The following TTYH2 variants were observed in gnomAD, a reference collection of about 807,000 sequenced individuals.
The protein encoded by TTYH2 is tweety family member 2, also known as protein tweety homolog 2.
TTYH2 carries 49 observed loss-of-function variants against 68.3 expected under a neutral mutation model. The observed-to-expected ratio is 0.72, with a 90% CI of 0.57 to 0.91. The LOEUF is 0.91. Among genes scored for constraint, TTYH2 ranks in the 40% least tolerant of loss-of-function variants. The pLI is 0.00. For synonymous variants in TTYH2, 272 were observed against 300.8 expected (o/e 0.90, Z 0.99); for missense variants, 631 against 700.4 (o/e 0.90, Z 1.12).
chr17:74,260,383 C>T lies in TTYH2; in HGVS notation c.*174C>T. The T allele has an allele frequency of 1.6e-6, 1 of 640,640 alleles. No individual in the cohort carries two copies. The highest frequency in any genetic ancestry group is 1.8e-5 in the South Asian group (1 of 55,466). The allele number at this position is 640,640 out of a possible 1,614,324, so 39.7% of individuals were successfully genotyped here. ...AGCCCCAGGGGGTGCAGAAGACTCA[C>T]CACGCGGGCCAGCCTCTCTCTTTTG... On this transcript the variant is annotated 3_prime_UTR_variant, in exon 14 of 14. Transcript: ENST00000269346.
chr17:74,253,649 C>T (rs984781421), intron 12 of TTYH2, 106 bp from the exon 13 acceptor site: 1 of 1,109,102 alleles, frequency 9.0e-7, no homozygotes, highest in African/African-American at 1.5e-5. Context: ...GGTTTGGTTC[C>T]ATCCCCCACC....
intron 2 of TTYH2, among the ~76,000 whole-genome samples, chr17:74,226,602 G>A (rs955432742): frequency 3.9e-5 from 6 of 152,130 alleles, no homozygotes; most frequent in Admixed American, 1.3e-4. Flanking sequence ...AGGGATGGAG[G>A]TAAAGGTTGG....
In TTYH2 at chr17:74,235,429, C is replaced by T. The variant is rs2050432943; in HGVS notation, c.415-1865C>T. On this transcript the variant is annotated intron_variant, in intron 3 of 13. Coordinates refer to ENST00000269346, the MANE Select transcript of TTYH2 (RefSeq NM_032646.6). The stretch of plus-strand genomic sequence containing the variant: ...TGTGACAGTTTCAGAACAACAAAGC[C>T]CTTTCTCCGCTCGCTGCCAGCAAGG... Among the ~76,000 whole-genome samples the T allele has an allele frequency of 3.3e-5, 5 of 152,344 alleles. No homozygotes were observed. The South Asian group carries it at 1.0e-3, about 32-fold the overall frequency.
chr17:74,244,083 G>T, intron 6 of TTYH2, 34 bp downstream of exon 6: 1 of 1,598,794 alleles, frequency 6.3e-7, no homozygotes. Flanking sequence ...GGTGGGTGGT[G>T]GTTGGTCTGC....
Position 74,244,129 on chromosome 17 carries a change from T to C in TTYH2, c.804+80T>C, listed in dbSNP as rs986085138. On this transcript the variant is annotated intron_variant, in intron 6 of 13. Transcript: ENST00000269346. The stretch of plus-strand genomic sequence containing the variant: ...TGGTGTGTCTCCAAGCAGGGCCAGC[T>C]TCCGGTCCCAGCTCCTAACCTAGAA... The C allele has an allele frequency of 8.7e-6, 12 of 1,377,048 alleles. No individual in the cohort carries two copies. In the African/African-American group the frequency reaches 1.1e-4, roughly 13 times the overall value. The allele number at this position is 1,377,048 out of a possible 1,614,324, so 85.3% of individuals were successfully genotyped here.
rs1026213637 is a variant in TTYH2 at position 74,239,654 on chromosome 17, C to T, written c.635+2140C>T. Among the ~76,000 whole-genome samples the T allele has an allele frequency of 4.6e-5, 7 of 152,152 alleles. No homozygotes were observed. The highest frequency in any genetic ancestry group is 7.4e-5 in the Non-Finnish European group (5 of 68,020). ...CTCCCCACACCTTGCCTCCCCAGCC[C>T]GTCCAGTCCCTGCATCTCCGCCATG... On this transcript the variant is annotated intron_variant, in intron 4 of 13. Coordinates refer to ENST00000269346, the MANE Select transcript of TTYH2 (RefSeq NM_032646.6). This position sits in a 1 kb window ranked among gnomAD's most constrained non-coding sequence, Gnocchi z 5.3.
chr17:74,225,887 C>T (rs541293675), intron 2 of TTYH2, among the ~76,000 whole-genome samples: 14 of 152,164 alleles, frequency 9.2e-5, no homozygotes, highest in Non-Finnish European at 2.9e-5. Context: ...CGCATAGATG[C>T]GGGCAAGAGT....
rs1258413855 is a variant in TTYH2 at position 74,241,873 on chromosome 17, T to G, written c.636-1501T>G. Among the ~76,000 whole-genome samples the G allele has an allele frequency of 1.3e-5, 2 of 152,174 alleles. No homozygotes were observed. The highest frequency in any genetic ancestry group is 2.9e-5 in the Non-Finnish European group (2 of 68,016). On this transcript the variant is annotated intron_variant, in intron 4 of 13. Coordinates refer to ENST00000269346, the MANE Select transcript of TTYH2 (RefSeq NM_032646.6). The surrounding 1 kb of genome is among the most constrained non-coding windows in gnomAD (Gnocchi z 4.1). Reference sequence around the variant, plus strand: ...GGCTGCCAGGGGAGACCACTGGGCCTTGTGAGGACCACCTTGGGGACCTGT... The same window carrying G: ...GGCTGCCAGGGGAGACCACTGGGCCGTGTGAGGACCACCTTGGGGACCTGT...
intron 6 of TTYH2, among the ~76,000 whole-genome samples, chr17:74,245,629 A>G (rs1172021444): frequency 2.6e-5 from 4 of 152,204 alleles, no homozygotes; most frequent in Non-Finnish European, 4.4e-5. Context: ...GAGAAAGGCC[A>G]TTTCCCTAAT....
At position 74,234,668 on chromosome 17, in the gene TTYH2, G is replaced by A. The variant is rs564659604; in HGVS notation, c.415-2626G>A. Among the ~76,000 whole-genome samples, 19 of 152,300 alleles carry A rather than the reference G, an allele frequency of 1.2e-4. No homozygotes were observed. The East Asian group carries it at 3.5e-3, about 28-fold the overall frequency. ...CCTTCTTTTTTTTTCCCCCTAAGGA[G>A]GAGTTTAAGAAATAGAGAAGTTAAC... is the stretch of plus-strand genomic sequence containing the variant. On this transcript the variant is annotated intron_variant, in intron 3 of 13. Transcript: ENST00000269346.
intron 5 of TTYH2, 90 bp downstream of exon 5, chr17:74,243,559 T>C: frequency 1.4e-6 from 2 of 1,432,970 alleles, no homozygotes; most frequent in South Asian, 2.3e-5. Flanking sequence ...CTCCAGAGTG[T>C]GGGGAAAATA....
rs1031171600 is a variant in TTYH2, at chr17:74,219,387, C to CAAAAAAA, written c.130-3088_130-3082dup. 1.2e-3 allele frequency among the ~76,000 whole-genome samples: 106 copies of CAAAAAAA among 88,458 alleles called. 6 individuals carry two copies. Among genetic ancestry groups the CAAAAAAA allele is most frequent in the African/African-American group, 5.6e-3 (95 of 16,924 alleles). 58.0% of individuals were successfully genotyped at this position (88,458 alleles called of 152,430 possible). A position where few individuals can be genotyped will look rare whatever the true frequency, so the allele number is the denominator to read the frequency against. ...CTGGCGACAGAGCAAGACTCCGTGTCAAAAAAAAAAAAAAAAGAATAACTT... is the reference window on the plus strand; with the variant it reads ...CTGGCGACAGAGCAAGACTCCGTGTCAAAAAAAAAAAAAAAAAAAAAAAGAATAACTT... On this transcript the variant is annotated intron_variant, in intron 1 of 13. Coordinates refer to ENST00000269346, the MANE Select transcript of TTYH2 (RefSeq NM_032646.6).
intron 11 of TTYH2, 26 bp from the exon 12 acceptor site, chr17:74,253,055 C>T (rs372202997): frequency 1.6e-5 from 26 of 1,611,714 alleles, no homozygotes; most frequent in Middle Eastern, 1.6e-4. Context: ...CCTTCACAGC[C>T]GGCCATCTTC....
rs1051457201 is a variant in TTYH2 at position 74,237,149 on chromosome 17, C to G, written c.415-145C>G. On this transcript the variant is annotated intron_variant, in intron 3 of 13. Coordinates refer to ENST00000269346, the MANE Select transcript of TTYH2 (RefSeq NM_032646.6). ...TCCTGGGTTCAAGCAATCCGCCTGC[C>G]TCAGCCTCCCGAAGTGCTGGGATGA... The G allele has an allele frequency of 2.1e-5, 16 of 773,950 alleles. No individual in the cohort carries two copies. In the African/African-American group the frequency reaches 2.6e-4, roughly 13 times the overall value. The allele number at this position is 773,950 out of a possible 1,614,324, so 47.9% of individuals were successfully genotyped here.
rs58119512 is a variant in TTYH2, at chr17:74,244,855, A to AGTGTGTGTGT, written c.804+825_804+834dup. On this transcript the variant is annotated intron_variant, in intron 6 of 13. Coordinates refer to ENST00000269346, the MANE Select transcript of TTYH2 (RefSeq NM_032646.6). Reference sequence around the variant, plus strand: ...CCAGGCTTTGATACAGTGGAGGTGCAGTGTGTGTGTGTGTGTGTGTGTGTG... The same window carrying AGTGTGTGTGT: ...CCAGGCTTTGATACAGTGGAGGTGCAGTGTGTGTGTGTGTGTGTGTGTGTGTGTGTGTGTG... Among the ~76,000 whole-genome samples the AGTGTGTGTGT allele has an allele frequency of 9.4e-3, 1,406 of 149,908 alleles. 20 individuals are homozygous for AGTGTGTGTGT. Among genetic ancestry groups the AGTGTGTGTGT allele is most frequent in the African/African-American group, 0.033 (1,348 of 41,012 alleles).
At chr17:74,234,185 C>A (rs1333475379) in intron 3 of TTYH2, among the ~76,000 whole-genome samples, 1 of 152,216 alleles carries the variant, frequency 6.6e-6, no homozygotes, top group Non-Finnish European at 1.5e-5. Flanking sequence ...GGGCTGAGAG[C>A]TTTTGCTTTT....
At chr17:74,254,575 T>A (rs530952745) in intron 13 of TTYH2, among the ~76,000 whole-genome samples, 3 of 152,282 alleles carry the variant, frequency 2.0e-5, no homozygotes, top group African/African-American at 7.2e-5. Flanking sequence ...GAGAAGGAGA[T>A]GAGGTGCTGT....
chr17:74,249,083 A>G lies in TTYH2; in HGVS notation c.874+3A>G. 1 of 1,614,158 alleles carries G rather than the reference A, an allele frequency of 6.2e-7. No individual in the cohort carries two copies. The highest frequency in any genetic ancestry group is 8.5e-7 in the Non-Finnish European group (1 of 1,180,010). On this transcript the variant is annotated splice_donor_region_variant and intron_variant, in intron 7 of 13. Transcript: ENST00000269346. ...CACGGAGGGCCAGATCAGCACAGGTAACTACACACTCTCAGGCTGCTGCTG... is the reference window on the plus strand; with the variant it reads ...CACGGAGGGCCAGATCAGCACAGGTGACTACACACTCTCAGGCTGCTGCTG...
At chr17:74,233,837 A>T (rs1357238638) in intron 3 of TTYH2, among the ~76,000 whole-genome samples, 2 of 152,108 alleles carry the variant, frequency 1.3e-5, no homozygotes, top group Non-Finnish European at 2.9e-5. Flanking sequence ...CCTGGTAGCC[A>T]GCACGGCCCC....
Sources: allele counts gnomAD v4.1 joint callset (sites outside exome capture counted in the v4.1 genomes callset), GRCh38; gene constraint gnomAD v4.1.1; non-coding constraint Gnocchi (gnomAD v3.1); transcripts MANE v1.5; gene names NCBI Gene and HGNC (gene_info 2026-07-23, HGNC 2026-07-21).